Variants in GALK2 observed in about 807,000 individuals in gnomAD.
The protein encoded by GALK2 is galactokinase 2, also known as N-acetylgalactosamine kinase.
GALK2 carries 36 observed loss-of-function variants against 52.4 expected under a neutral mutation model. The ratio of observed to expected loss-of-function variants is 0.69; its 90% CI spans 0.53 to 0.91. The LOEUF (loss-of-function observed/expected upper bound fraction) is 0.91. GALK2 is among the 40% of genes least tolerant of loss of function. GALK2 has a pLI of 0.00. For synonymous variants in GALK2, 176 were observed against 199.1 expected, an observed-to-expected ratio of 0.88 and a Z score of 0.98; for missense variants, 579 against 559.1, an observed-to-expected ratio of 1.04 and a Z score of -0.36.
At chr15:49,265,304 G>T (rs139590290) in intron 5 of GALK2, among the ~76,000 whole-genome samples, 1 of 152,214 alleles carries the variant, frequency 6.6e-6, no homozygotes, top group African/African-American at 2.4e-5. Context: ...CCTGGCTGCC[G>T]CCTTGCAGTT....
At chr15:49,157,543 CAG>C (rs2141142834) in intron 1 of GALK2, among the ~76,000 whole-genome samples, 1 of 152,204 alleles carries the variant, frequency 6.6e-6, no homozygotes, top group East Asian at 1.9e-4. Context: ...CCATGGCCTT[CAG>C]AGAGAGAGGC....
intron 8 of GALK2, among the ~76,000 whole-genome samples, chr15:49,299,759 C>CTTTTTTTTT (rs1349636560): frequency 8.8e-6 from 1 of 113,452 alleles, no homozygotes; most frequent in African/African-American, 3.2e-5. Context: ...TTCTTTCTTT[C>CTTTTTTTTT]TTTCTTTCTT....
At chr15:49,239,438 G>C (rs2141501963) in intron 5 of GALK2, 71 bp downstream of exon 5, 6 of 1,425,696 alleles carry the variant, frequency 4.2e-6, no homozygotes, top group Non-Finnish European at 5.9e-6. Flanking sequence ...TCTCAAATCA[G>C]AATGCCTTCC....
rs765758424 is a variant in GALK2 at position 49,319,794 on chromosome 15, G to A, written c.1158G>A (p.Val386=). The change falls in exon 9 of 10, where the codon GTG becomes GTA. Residue 386 remains valine (V), a synonymous_variant. Coordinates refer to ENST00000560031, the MANE Select transcript of GALK2 (RefSeq NM_002044.4). ...ECSCPELDQL[V]DICRKFGAQG... ...GCTGCCCCGAGCTGGATCAGCTGGT[G>A]GACATCTGTCGGTGAGGCAGCCTGG... is the stretch of plus-strand genomic sequence containing the variant. 3 of 1,613,550 alleles carry A rather than the reference G, an allele frequency of 1.9e-6. No individual in the cohort carries two copies. The highest frequency in any genetic ancestry group is 1.7e-4 in the Middle Eastern group (1 of 5,866).
chr15:49,270,202 G>T (rs2030240827), intron 5 of GALK2, among the ~76,000 whole-genome samples: 1 of 152,148 alleles, frequency 6.6e-6, no homozygotes, highest in Non-Finnish European at 1.5e-5. Context: ...ATTAGAAGTA[G>T]AAAACTAGGA....
At chr15:49,169,995 G>A, upstream of GALK2, 1 of 288,198 alleles carries the variant, frequency 3.5e-6, no homozygotes, top group South Asian at 6.0e-5. Context: ...ACATCCACAG[G>A]GCGCAAAAAG....
upstream of GALK2, among the ~76,000 whole-genome samples, chr15:49,169,618 C>G (rs536376492): frequency 6.6e-6 from 1 of 152,184 alleles, no homozygotes; most frequent in South Asian, 2.1e-4. Flanking sequence ...GATAGGGCAT[C>G]TAGGATTTCT....
chr15:49,287,552 CAT>C (rs1187731414), intron 7 of GALK2, among the ~76,000 whole-genome samples: 4 of 151,978 alleles, frequency 2.6e-5, no homozygotes, highest in Non-Finnish European at 5.9e-5. Context: ...TTTTTGGCAA[CAT>C]GTGAATGAAT....
intron 5 of GALK2, among the ~76,000 whole-genome samples, chr15:49,258,878 T>C (rs1242248768): frequency 6.6e-6 from 1 of 150,922 alleles, no homozygotes; most frequent in Non-Finnish European, 1.5e-5. Flanking sequence ...GTGGTTTTGA[T>C]TTGCATTTCT....
intron 1 of GALK2, chr15:49,156,453 T>C: frequency 2.1e-6 from 1 of 473,320 alleles, no homozygotes; most frequent in South Asian, 1.8e-5. Flanking sequence ...CCAGAGCAGA[T>C]TAGTCTCTAT....
chr15:49,319,889 T>A, intron 9 of GALK2, 84 bp downstream of exon 9: 1 of 1,188,828 alleles, frequency 8.4e-7, no homozygotes, highest in South Asian at 1.5e-5. Context: ...TTTCATAATC[T>A]ACGGGAATGA....
chr15:49,251,909 A>G (rs1340732505), intron 5 of GALK2, among the ~76,000 whole-genome samples: 2 of 152,156 alleles, frequency 1.3e-5, no homozygotes, highest in Admixed American at 6.5e-5. Context: ...ACTCTATCCA[A>G]TGTAATATAT....
intron 1 of GALK2, among the ~76,000 whole-genome samples, chr15:49,182,342 C>T (rs893236206): frequency 6.6e-6 from 1 of 152,210 alleles, no homozygotes; most frequent in Non-Finnish European, 1.5e-5. Context: ...TTTTTTACGG[C>T]TGAGTAGTAC....
At chr15:49,260,857 G>A (rs1267004418) in intron 5 of GALK2, among the ~76,000 whole-genome samples, 10 of 152,118 alleles carry the variant, frequency 6.6e-5, no homozygotes, top group African/African-American at 2.2e-4. Context: ...TCTCAGGTTT[G>A]TCAAATATCA....
chr15:49,300,165 G>T (rs1487858885), intron 8 of GALK2, among the ~76,000 whole-genome samples: 2 of 152,052 alleles, frequency 1.3e-5, no homozygotes, highest in Non-Finnish European at 2.9e-5. Flanking sequence ...TCATCTTGCT[G>T]AATTGAACCC....
At chr15:49,175,176 G>C (rs986175845) in intron 1 of GALK2, among the ~76,000 whole-genome samples, 1 of 152,152 alleles carries the variant, frequency 6.6e-6, no homozygotes, top group Non-Finnish European at 1.5e-5. Context: ...GTGGAATTTG[G>C]CTCACATAAC....
At chr15:49,232,170 C>T (rs531751506) in intron 3 of GALK2, among the ~76,000 whole-genome samples, 5 of 152,306 alleles carry the variant, frequency 3.3e-5, no homozygotes, top group Admixed American at 2.0e-4. Context: ...CAGAGGCTCC[C>T]GAAGCCTTAA....
chr15:49,180,852 C>T (rs2085902452), intron 1 of GALK2, among the ~76,000 whole-genome samples: 1 of 151,722 alleles, frequency 6.6e-6, no homozygotes, highest in Non-Finnish European at 1.5e-5. Flanking sequence ...TTTAATGTAC[C>T]TTCCCTCTTT....
intron 1 of GALK2, chr15:49,156,658 C>A: frequency 1.9e-6 from 1 of 517,438 alleles, no homozygotes. Context: ...TTCCCAAAGG[C>A]AAAATTTCCA....
Sources: gnomAD v4.1 joint callset for allele counts (sites outside exome capture counted in the v4.1 genomes callset) on GRCh38, gnomAD v4.1.1 for gene constraint, MANE v1.5 for transcripts, NCBI Gene and HGNC (gene_info 2026-07-23, HGNC 2026-07-21) for gene names.